The following FNBP4 variants were observed in gnomAD, a reference collection of about 807,000 sequenced individuals.
FNBP4 encodes formin binding protein 4, also known as formin-binding protein 4.
FNBP4 carries 34 observed loss-of-function variants against 119.3 expected under a neutral mutation model. The ratio of observed to expected loss-of-function variants is 0.28; its 90% CI spans 0.22 to 0.38. The LOEUF is 0.38. Ranked by LOEUF, FNBP4 falls within the 10% of genes least tolerant of loss-of-function variation. The pLI, the probability that FNBP4 is intolerant of heterozygous loss-of-function variation, is 1.00. For synonymous variants in FNBP4, 462 were observed against 430.6 expected (o/e 1.07, Z -0.90); for missense variants, 1,112 against 1,228.9 (o/e 0.90, Z 1.42).
intron 2 of FNBP4, among the ~76,000 whole-genome samples, chr11:47,756,131 A>G (rs1167363281): frequency 6.6e-6 from 1 of 152,168 alleles, no homozygotes; most frequent in Non-Finnish European, 1.5e-5. Context: ...CCAATGATCA[A>G]TGTCTTCCTC....
intron 2 of FNBP4, among the ~76,000 whole-genome samples, chr11:47,760,699 G>A (rs535329800): frequency 6.6e-6 from 1 of 152,090 alleles, no homozygotes; most frequent in East Asian, 1.9e-4. Flanking sequence ...CTCCCAAAGT[G>A]CTGGGATCAC....
intron 8 of FNBP4, among the ~76,000 whole-genome samples, chr11:47,737,631 G>T (rs1167945545): frequency 6.6e-6 from 1 of 151,950 alleles, no homozygotes; most frequent in Non-Finnish European, 1.5e-5. Context: ...GTAGAGATGG[G>T]GTTTCACCAT....
chr11:47,731,610 A>G, intron 11 of FNBP4, 49 bp from the exon 12 acceptor site: 1 of 1,559,894 alleles, frequency 6.4e-7, no homozygotes. Context: ...TTCTCCTACA[A>G]AGACACTTCC....
Position 47,748,683 on chromosome 11 carries a change from T to C in FNBP4, c.906+2233A>G, listed in dbSNP as rs933279699. Among the ~76,000 whole-genome samples the C allele has an allele frequency of 2.6e-5, 4 of 152,062 alleles. No individual in the cohort carries two copies. The South Asian group carries it at 8.3e-4, about 31-fold the overall frequency. ...ATTTTTTTTTGAGATGGAGTCTCACTCTGTCACCCAGGCTGGAGTGCAGTG... is the reference window on the plus strand; with the variant it reads ...ATTTTTTTTTGAGATGGAGTCTCACCCTGTCACCCAGGCTGGAGTGCAGTG... On this transcript the variant is annotated intron_variant, in intron 6 of 16. Coordinates refer to ENST00000263773, the MANE Select transcript of FNBP4 (RefSeq NM_015308.5).
At chr11:47,741,869 T>C (rs116996852) in intron 8 of FNBP4, among the ~76,000 whole-genome samples, 3 of 152,112 alleles carry the variant, frequency 2.0e-5, no homozygotes, top group Admixed American at 6.6e-5. Context: ...ATACCTCTAA[T>C]GGACATTTGA....
chr11:47,766,876 C>T (rs915755897), intron 1 of FNBP4, among the ~76,000 whole-genome samples, 193 bp downstream of exon 1: 61 of 151,890 alleles, frequency 4.0e-4, no homozygotes, highest in African/African-American at 1.5e-3. Flanking sequence ...GGGCTTGGCC[C>T]GGGCCGAGGG....
At chr11:47,759,791 A>C (rs991292476) in intron 2 of FNBP4, among the ~76,000 whole-genome samples, 1 of 152,048 alleles carries the variant, frequency 6.6e-6, no homozygotes, top group African/African-American at 2.4e-5. Context: ...TCTCTACTAA[A>C]AATTCAAGAA....
intron 8 of FNBP4, among the ~76,000 whole-genome samples, chr11:47,738,171 T>C (rs1322533148): frequency 1.3e-5 from 2 of 152,256 alleles, no homozygotes; most frequent in Non-Finnish European, 2.9e-5. Context: ...AGAAGAGGTC[T>C]ACCAACTTAA....
rs967368473 is a variant in FNBP4, at chr11:47,740,811, C to CG, written c.1456+3141dup. On this transcript the variant is annotated intron_variant, in intron 8 of 16. Coordinates refer to ENST00000263773, the MANE Select transcript of FNBP4 (RefSeq NM_015308.5). ...TTCACCATGTTGGCCAAGATGGTCT[C>CG]GATCTCCTGACCTCGTGATCCACCT... is the stretch of plus-strand genomic sequence containing the variant. Among the ~76,000 whole-genome samples the CG allele has an allele frequency of 2.7e-4, 41 of 151,496 alleles. 2 individuals carry two copies. The highest frequency in any genetic ancestry group is 9.5e-4 in the African/African-American group (39 of 40,906).
At chr11:47,726,968 A>G (rs2097561753) in intron 12 of FNBP4, 1 of 152,364 alleles carries the variant, frequency 6.6e-6, no homozygotes, top group African/African-American at 2.4e-5. Context: ...AATTAGTTGT[A>G]AACACCACTG....
At chr11:47,718,706 T>C (rs1294718764) in intron 16 of FNBP4, among the ~76,000 whole-genome samples, 1 of 152,224 alleles carries the variant, frequency 6.6e-6, no homozygotes, top group African/African-American at 2.4e-5. Flanking sequence ...TGACAATTGA[T>C]GAACAGTGAG....
intron 8 of FNBP4, among the ~76,000 whole-genome samples, chr11:47,738,750 G>T (rs188089669): frequency 6.6e-6 from 1 of 150,802 alleles, no homozygotes; most frequent in African/African-American, 2.4e-5. Flanking sequence ...GAGCTATCTC[G>T]GCTCATTGCA....
rs750742501 is a variant in FNBP4 at position 47,765,340 on chromosome 11, C to G, written c.243G>C (p.Glu81Asp). ...PSEDEQEAVQ[E>D]VPRVVQNPPK... The stretch of plus-strand genomic sequence containing the variant: ...GAGGATTCTGAACAACTCTAGGAAC[C>G]TCCTGCACCGCTTCCTGTTCATCTG... The change falls in exon 2 of 17, where the codon GAG becomes GAC. Residue 81 changes from glutamate (E) to aspartate (D), a missense_variant. Glu to Asp is a conservative substitution (Grantham distance 45, BLOSUM62 2). Coordinates refer to ENST00000263773, the MANE Select transcript of FNBP4 (RefSeq NM_015308.5). The G allele has an allele frequency of 5.6e-6, 9 of 1,601,634 alleles. No homozygotes were observed. Among genetic ancestry groups the G allele is most frequent in the Middle Eastern group, 1.7e-4 (1 of 6,032 alleles).
At chr11:47,718,991 C>T (rs1278923261) in intron 16 of FNBP4, among the ~76,000 whole-genome samples, 3 of 151,602 alleles carry the variant, frequency 2.0e-5, no homozygotes, top group South Asian at 2.1e-4. Flanking sequence ...CTGCAACCTC[C>T]GCCTCGCGGG....
At chr11:47,744,242 G>A in intron 7 of FNBP4, 79 bp from the exon 8 acceptor site, 1 of 1,254,670 alleles carries the variant, frequency 8.0e-7, no homozygotes, top group Non-Finnish European at 1.1e-6. Flanking sequence ...ACAAGACTAT[G>A]TTGTTGAAAT....
chr11:47,743,831 C>T (rs536331696), intron 8 of FNBP4, 122 bp downstream of exon 8: 6 of 851,576 alleles, frequency 7.0e-6, no homozygotes, highest in South Asian at 7.0e-5. Context: ...TCCTTCCCAG[C>T]ACTTCTCCCA....
intron 8 of FNBP4, among the ~76,000 whole-genome samples, chr11:47,741,804 G>C (rs1011832948): frequency 9.0e-5 from 11 of 122,246 alleles, no homozygotes; most frequent in South Asian, 3.0e-4. Context: ...GACAGAGTAA[G>C]ACTCCGTCTC....
rs542090381 is a variant in FNBP4 at position 47,716,620 on chromosome 11, G to A, written c.*802C>T. On this transcript the variant is annotated 3_prime_UTR_variant, in exon 17 of 17. Coordinates refer to ENST00000263773, the MANE Select transcript of FNBP4 (RefSeq NM_015308.5). Reference sequence around the variant, plus strand: ...TAAAACACAATTTGCCGTTTCCTCAGTTTAAAGTGACTTTTACCTGATTGT... The same window carrying A: ...TAAAACACAATTTGCCGTTTCCTCAATTTAAAGTGACTTTTACCTGATTGT... 1 of 152,742 alleles carries A rather than the reference G, an allele frequency of 6.5e-6. No homozygotes were observed. The highest frequency in any genetic ancestry group is 2.1e-4 in the South Asian group (1 of 4,828). The allele number at this position is 152,742 out of a possible 1,614,324, so 9.5% of individuals were successfully genotyped here.
chr11:47,753,532 A>T (rs769298706), intron 3 of FNBP4, among the ~76,000 whole-genome samples: 1 of 152,108 alleles, frequency 6.6e-6, no homozygotes, highest in East Asian at 1.9e-4. Flanking sequence ...AATTGCTTGA[A>T]TCTGGGAGGC....
Sources: gnomAD v4.1 joint callset for allele counts (sites outside exome capture counted in the v4.1 genomes callset) on GRCh38, gnomAD v4.1.1 for gene constraint, MANE v1.5 for transcripts, NCBI Gene and HGNC (gene_info 2026-07-23, HGNC 2026-07-21) for gene names.